The following GBE1 variants were observed in gnomAD, a reference collection of about 807,000 sequenced individuals.
GBE1 encodes 1,4-alpha-glucan-branching enzyme.
GBE1 carries 70 observed loss-of-function variants against 88.8 expected under a neutral mutation model. That is an observed-to-expected ratio of 0.79 (90% CI 0.65 to 0.96). GBE1 has a LOEUF of 0.96. Among genes scored for constraint, GBE1 ranks in the 40% least tolerant of loss-of-function variants. GBE1 has a pLI of 0.00. For missense variants in GBE1, 872 were observed against 871.0 expected, an observed-to-expected ratio of 1.00 and a Z score of -0.01; for synonymous variants, 284 against 300.1, an observed-to-expected ratio of 0.95 and a Z score of 0.56.
In GBE1 at chr3:81,545,428, T is replaced by C. The variant is rs1703193597; in HGVS notation, c.1619-8333A>G. 1.3e-5 allele frequency among the ~76,000 whole-genome samples: 2 copies of C among 152,096 alleles called. 1 individual carries two copies. The highest frequency in any genetic ancestry group is 4.1e-4 in the South Asian group (2 of 4,822). The stretch of plus-strand genomic sequence containing the variant: ...TATTAAATGTCCAACATAATTTCTC[T>C]GGAGGTACAGAAGCAAAATATAGTG... On this transcript the variant is annotated intron_variant, in intron 12 of 15. Coordinates refer to ENST00000429644, the MANE Select transcript of GBE1 (RefSeq NM_000158.4).
intron 7 of GBE1, among the ~76,000 whole-genome samples, chr3:81,637,170 T>C (rs376466857): frequency 5.3e-5 from 8 of 152,134 alleles, no homozygotes; most frequent in African/African-American, 1.9e-4. Context: ...AATGTAATCT[T>C]TCTTTCTCTC....
chr3:81,649,839 A>G lies in GBE1; in HGVS notation c.512T>C (p.Val171Ala), dbSNP rs779975928. 3.1e-6 allele frequency: 5 copies of G among 1,611,730 alleles called. No individual in the cohort carries two copies. In the South Asian group the frequency reaches 5.5e-5, roughly 18 times the overall value. ...ATCCCAGTGTATCCAATCATAATTC[A>G]CATTATCACCTTCACGAACCACATA... ...AKYVVREGDN[V>A]NYDWIHWDPE... is the part of the protein sequence containing the mutation. The change falls in exon 4 of 16, where the codon GTG becomes GCG. Residue 171 changes from valine (V) to alanine (A), a missense_variant. Coordinates refer to ENST00000429644, the MANE Select transcript of GBE1 (RefSeq NM_000158.4).
At chr3:81,600,356 A>C (rs1009962293) in intron 7 of GBE1, among the ~76,000 whole-genome samples, 2 of 152,118 alleles carry the variant, frequency 1.3e-5, no homozygotes, top group African/African-American at 4.8e-5. Flanking sequence ...ATAATTTCCC[A>C]TTATCTCACT....
chr3:81,600,133 T>C (rs1311962072), intron 7 of GBE1, among the ~76,000 whole-genome samples: 2 of 152,118 alleles, frequency 1.3e-5, no homozygotes, highest in Admixed American at 6.6e-5. Flanking sequence ...TGGTGGTGCA[T>C]GCCTGTAGTC....
rs556175905 is a variant in GBE1, at chr3:81,615,874, T to C, written c.993-21851A>G. Among the ~76,000 whole-genome samples the C allele has an allele frequency of 7.9e-5, 12 of 152,296 alleles. No homozygotes were observed. In the South Asian group the frequency reaches 1.2e-3, roughly 16 times the overall value. ...CTACTACATTGTTTTGCAGTGATTATAGTATTTTACATGCACACCAGGAAT... is the reference window on the plus strand; with the variant it reads ...CTACTACATTGTTTTGCAGTGATTACAGTATTTTACATGCACACCAGGAAT... On this transcript the variant is annotated intron_variant, in intron 7 of 15. Coordinates refer to ENST00000429644, the MANE Select transcript of GBE1 (RefSeq NM_000158.4).
At chr3:81,494,511 G>T (rs1199635758) in intron 15 of GBE1, among the ~76,000 whole-genome samples, 1 of 152,084 alleles carries the variant, frequency 6.6e-6, no homozygotes, top group Non-Finnish European at 1.5e-5. Context: ...AAAGTATATT[G>T]ATGTACCTGT....
chr3:81,724,912 C>T lies in GBE1; in HGVS notation c.144-19299G>A, dbSNP rs1706086712. Among the ~76,000 whole-genome samples, 3 of 152,204 alleles carry T rather than the reference C, an allele frequency of 2.0e-5. No homozygotes were observed. The South Asian group carries it at 6.2e-4, about 31-fold the overall frequency. On this transcript the variant is annotated intron_variant, in intron 1 of 15. Transcript: ENST00000429644. The stretch of plus-strand genomic sequence containing the variant: ...AAACGTGTGTTTCTGTGTTGTCCAT[C>T]TGCATCTCACTCAACTGAGCTATTT...
rs1481427868 is a variant in GBE1, at chr3:81,578,112, T to C, written c.1447-16A>G. On this transcript the variant is annotated splice_polypyrimidine_tract_variant and intron_variant, in intron 11 of 15. Transcript: ENST00000429644. ...CAACCAATGCCTACAGAAATAAAAG[T>C]AATGGAGATAAATGAAAAAAAAAAG... 25 of 1,554,402 alleles carry C rather than the reference T, an allele frequency of 1.6e-5. No individual in the cohort carries two copies. The highest frequency in any genetic ancestry group is 2.0e-5 in the Non-Finnish European group (23 of 1,152,118).
At chr3:81,634,903 A>C (rs1285451135) in intron 7 of GBE1, among the ~76,000 whole-genome samples, 2 of 152,102 alleles carry the variant, frequency 1.3e-5, no homozygotes, top group Non-Finnish European at 2.9e-5. Flanking sequence ...TAAAGCACCT[A>C]ATGCTTCAAA....
At chr3:81,607,370 G>A (rs1275864464) in intron 7 of GBE1, among the ~76,000 whole-genome samples, 2 of 152,020 alleles carry the variant, frequency 1.3e-5, no homozygotes, top group Non-Finnish European at 2.9e-5. Flanking sequence ...CCCACATGGT[G>A]AAACCCCATC....
intron 14 of GBE1, among the ~76,000 whole-genome samples, chr3:81,503,677 C>T (rs562489952): frequency 1.3e-5 from 2 of 152,194 alleles, no homozygotes; most frequent in South Asian, 2.1e-4. Flanking sequence ...CAAAGGCAGA[C>T]AGCTTGTTAA....
At chr3:81,509,170 C>T (rs1702691270) in intron 14 of GBE1, among the ~76,000 whole-genome samples, 1 of 151,634 alleles carries the variant, frequency 6.6e-6, no homozygotes, top group Non-Finnish European at 1.5e-5. Context: ...ATTTCTATTC[C>T]TCTTTCTCTG....
intron 2 of GBE1, among the ~76,000 whole-genome samples, chr3:81,702,110 T>G (rs530350967): frequency 3.6e-5 from 1 of 27,900 alleles, no homozygotes; most frequent in African/African-American, 3.3e-4. Context: ...AGAGTGTGTG[T>G]GTGTGTGTGT....
intron 7 of GBE1, among the ~76,000 whole-genome samples, chr3:81,596,039 A>G (rs1043970208): frequency 1.3e-5 from 2 of 151,998 alleles, no homozygotes; most frequent in Non-Finnish European, 2.9e-5. Context: ...GATTAAAGTG[A>G]TAAGTCAAAT....
intron 12 of GBE1, among the ~76,000 whole-genome samples, chr3:81,573,508 T>C (rs1000482148): frequency 1.3e-5 from 2 of 152,216 alleles, no homozygotes; most frequent in African/African-American, 4.8e-5. Flanking sequence ...AAGGTATTTG[T>C]CTATCACTTG....
intron 14 of GBE1, among the ~76,000 whole-genome samples, chr3:81,501,130 A>G (rs1408165848): frequency 6.6e-6 from 1 of 152,186 alleles, no homozygotes; most frequent in East Asian, 1.9e-4. Context: ...AAGGAAAGAA[A>G]CCATTAGACC....
intron 7 of GBE1, among the ~76,000 whole-genome samples, chr3:81,631,133 G>A (rs1445793688): frequency 6.6e-6 from 1 of 152,144 alleles, no homozygotes; most frequent in Non-Finnish European, 1.5e-5. Context: ...GGGTATGGGA[G>A]GTCAAGGCTG....
chr3:81,611,761 G>C (rs1704185438), intron 7 of GBE1, among the ~76,000 whole-genome samples: 1 of 152,118 alleles, frequency 6.6e-6, no homozygotes, highest in South Asian at 2.1e-4. Context: ...CTCTCAAGCT[G>C]ATAAAGAGGG....
At chr3:81,609,790 T>C (rs1181017909) in intron 7 of GBE1, among the ~76,000 whole-genome samples, 1 of 152,160 alleles carries the variant, frequency 6.6e-6, no homozygotes, top group Non-Finnish European at 1.5e-5. Context: ...TCAAACCTAC[T>C]TTGGAAAGAA....
Sources: gnomAD v4.1 joint callset for allele counts (sites outside exome capture counted in the v4.1 genomes callset) on GRCh38, gnomAD v4.1.1 for gene constraint, MANE v1.5 for transcripts, NCBI Gene and HGNC (gene_info 2026-07-23, HGNC 2026-07-21) for gene names.